The following AXL variants were observed in gnomAD, a reference collection of about 807,000 sequenced individuals.
AXL encodes the protein tyrosine-protein kinase receptor UFO.
A neutral mutation model predicts 104.5 loss-of-function variants in AXL; 52 were observed. The observed-to-expected ratio is 0.50, with a 90% CI of 0.40 to 0.63. The LOEUF is 0.63. Among genes scored for constraint, AXL ranks in the 20% least tolerant of loss-of-function variants. The pLI is 0.00. For missense variants in AXL, 1,024 were observed against 1,188.5 expected, an observed-to-expected ratio of 0.86 and a Z score of 2.04; for synonymous variants, 455 against 473.7, an observed-to-expected ratio of 0.96 and a Z score of 0.51.
intron 14 of AXL, among the ~76,000 whole-genome samples, chr19:41,251,879 C>A (rs763149853): frequency 6.6e-6 from 1 of 151,410 alleles, no homozygotes; most frequent in Non-Finnish European, 1.5e-5. Context: ...TTTGGGAGGC[C>A]GAGGCGGGCA....
At chr19:41,250,425 T>G (rs1017910614) in intron 14 of AXL, among the ~76,000 whole-genome samples, 1 of 152,006 alleles carries the variant, frequency 6.6e-6, no homozygotes, top group Non-Finnish European at 1.5e-5. Context: ...GTGTACCAGG[T>G]TATTTTGTTT....
In AXL at chr19:41,248,803, C is replaced by T; in HGVS notation, c.1694C>T (p.Ala565Val). The change falls in exon 14 of 20, where the codon GCT (alanine) becomes GTT (valine). Residue 565 changes from alanine to valine, a missense_variant. This residue lies in a region of AXL where 523 missense variants were observed against 636.0 expected (regional missense o/e 0.82). Transcript: ENST00000301178. ...LNQDDSILKV[A>V]VKTMKIAICT... ...CAGGACGACTCCATCCTCAAGGTGG[C>T]TGTGAAGACGATGAAGAGTGAGTTA... 3 of 1,612,520 alleles carry T rather than the reference C, an allele frequency of 1.9e-6. No homozygotes were observed. The highest frequency in any genetic ancestry group is 2.5e-6 in the Non-Finnish European group (3 of 1,179,178).
chr19:41,257,263 C>G (rs1170438292), intron 18 of AXL, among the ~76,000 whole-genome samples: 2 of 152,070 alleles, frequency 1.3e-5, no homozygotes, highest in Non-Finnish European at 2.9e-5. Context: ...AGGCTGGTCT[C>G]AAACTCCTGA....
At chr19:41,226,518 T>TCCCCC (rs1568409267) in intron 4 of AXL, among the ~76,000 whole-genome samples, 4 of 152,032 alleles carry the variant, frequency 2.6e-5, no homozygotes, top group Non-Finnish European at 4.4e-5. Context: ...TACCCTCCCC[T>TCCCCC]TTCCGGCCTC....
intron 4 of AXL, among the ~76,000 whole-genome samples, chr19:41,226,085 C>A (rs2033874707): frequency 6.6e-6 from 1 of 152,214 alleles, no homozygotes; most frequent in Non-Finnish European, 1.5e-5. Context: ...TTCCTCCTGT[C>A]CCCTTCACTC....
At chr19:41,254,390 AAAAGAAAG>A (rs1261812707) in intron 17 of AXL, among the ~76,000 whole-genome samples, 38 of 145,372 alleles carry the variant, frequency 2.6e-4, no homozygotes, top group South Asian at 8.5e-4. Flanking sequence ...AAAAAAAAAA[AAAAGAAAG>A]AAAGAAAGAA....
chr19:41,242,005 C>T (rs2034190639), intron 10 of AXL, among the ~76,000 whole-genome samples: 1 of 152,148 alleles, frequency 6.6e-6, no homozygotes, highest in Admixed American at 6.6e-5. Context: ...CACTCTAGTC[C>T]ACCCTTCTTG....
At position 41,239,784 on chromosome 19, in the gene AXL, C is replaced by G; in HGVS notation, c.1312+64C>G. The G allele has an allele frequency of 2.5e-6, 4 of 1,578,746 alleles. No homozygotes were observed. In the Admixed American group the frequency reaches 6.7e-5, roughly 26 times the overall value. On this transcript the variant is annotated intron_variant, in intron 10 of 19. Coordinates refer to ENST00000301178, the MANE Select transcript of AXL (RefSeq NM_021913.5). ...TCAACACCTAGTGGGGGCACTGTCA[C>G]CATGCATACTCATTGCACATCCCTT...
At chr19:41,231,723 T>G (rs954448990) in intron 6 of AXL, among the ~76,000 whole-genome samples, 8 of 151,942 alleles carry the variant, frequency 5.3e-5, no homozygotes, top group Non-Finnish European at 4.4e-5. Flanking sequence ...GGTCAGGAGT[T>G]CGAGACCAGC....
intron 16 of AXL, among the ~76,000 whole-genome samples, chr19:41,253,302 C>G (rs968780981): frequency 1.3e-5 from 2 of 152,062 alleles, no homozygotes; most frequent in African/African-American, 4.8e-5. Flanking sequence ...GCGACCCCAA[C>G]AGAGCGCACA....
rs75239046 is a variant in AXL at position 41,253,234 on chromosome 19, G to A, written c.1926+267G>A. On this transcript the variant is annotated intron_variant, in intron 16 of 19. Transcript: ENST00000301178. ...TTGGGTGGACGTGGAAGATCTTGCC[G>A]AGGAGGTGACCGTGAAGGAGTTGGG... Among the ~76,000 whole-genome samples the A allele has an allele frequency of 2.2e-3, 335 of 152,296 alleles. 4 individuals carry two copies. The highest frequency in any genetic ancestry group is 0.016 in the Admixed American group (247 of 15,288).
intron 14 of AXL, among the ~76,000 whole-genome samples, chr19:41,249,617 G>A (rs1485639318): frequency 9.2e-5 from 14 of 152,104 alleles, no homozygotes; most frequent in African/African-American, 3.1e-4. Context: ...TTAGCCAGGC[G>A]TGGTGGCAGG....
intron 17 of AXL, among the ~76,000 whole-genome samples, chr19:41,255,734 C>T (rs1398748887): frequency 6.6e-6 from 1 of 151,830 alleles, no homozygotes; most frequent in Non-Finnish European, 1.5e-5. Context: ...AGCCACTGTG[C>T]CTGTTTTTTT....
chr19:41,232,863 G>C (rs2034015080), intron 6 of AXL, among the ~76,000 whole-genome samples: 1 of 152,178 alleles, frequency 6.6e-6, no homozygotes, highest in South Asian at 2.1e-4. Flanking sequence ...GTTTGTGAAG[G>C]AGGGTCTATG....
At chr19:41,240,111 A>T (rs2034156113) in intron 10 of AXL, among the ~76,000 whole-genome samples, 1 of 151,452 alleles carries the variant, frequency 6.6e-6, no homozygotes. Context: ...GGATATATGG[A>T]GAATGGATGG....
At chr19:41,257,687 C>T (rs2034477188) in intron 19 of AXL, 58 bp downstream of exon 19, 1 of 1,606,932 alleles carries the variant, frequency 6.2e-7, no homozygotes, top group Non-Finnish European at 8.5e-7. Flanking sequence ...TGACTACCCC[C>T]AGATGGCCCT....
intron 4 of AXL, among the ~76,000 whole-genome samples, chr19:41,225,852 T>G (rs1000204994): frequency 6.0e-5 from 9 of 151,204 alleles, no homozygotes; most frequent in South Asian, 2.1e-4. Context: ...TGTGGGGGGG[T>G]TTGCTGTGTG....
At chr19:41,257,384 G>T in intron 18 of AXL, 109 bp from the exon 19 acceptor site, 1 of 1,423,928 alleles carries the variant, frequency 7.0e-7, no homozygotes, top group East Asian at 2.3e-5. Context: ...TGCTCCCAGA[G>T]GATGGTTGTG....
At chr19:41,239,803 A>T (rs1353284034) in intron 10 of AXL, 83 bp downstream of exon 10, 2 of 1,541,070 alleles carry the variant, frequency 1.3e-6, no homozygotes, top group Admixed American at 1.7e-5. Flanking sequence ...CTCATTGCAC[A>T]TCCCTTTCAT....
Sources: allele counts gnomAD v4.1 joint callset (sites outside exome capture counted in the v4.1 genomes callset), GRCh38; gene constraint gnomAD v4.1.1; regional missense constraint gnomAD v4.1.1; transcripts MANE v1.5; gene names NCBI Gene and HGNC (gene_info 2026-07-23, HGNC 2026-07-21).